The following PTPRD variants were observed in gnomAD, a reference collection of about 807,000 sequenced individuals.
The protein encoded by PTPRD is protein tyrosine phosphatase receptor type D, also known as receptor-type tyrosine-protein phosphatase delta.
A neutral mutation model predicts 214.5 loss-of-function variants in PTPRD; 34 were observed. The observed-to-expected ratio is 0.16, with a 90% CI of 0.12 to 0.21. The LOEUF (loss-of-function observed/expected upper bound fraction) is 0.21. PTPRD is among the 10% of genes least tolerant of loss of function. The probability of loss-of-function intolerance (pLI) is 1.00; values close to 1 mark genes in which losing one functional copy is unlikely to be tolerated. For missense variants in PTPRD, 2,545 were observed against 2,398.7 expected (o/e 1.06, Z -1.27); for synonymous variants, 1,128 against 845.7 (o/e 1.33, Z -5.79).
At chr9:9,876,603 T>C (rs114190242) in intron 5 of PTPRD, among the ~76,000 whole-genome samples, 126 of 152,326 alleles carry the variant, frequency 8.3e-4, no homozygotes, top group African/African-American at 3.0e-3. Context: ...TTAATGCTCA[T>C]TATATGAGAA....
chr9:9,560,384 A>G (rs143294759), intron 8 of PTPRD, among the ~76,000 whole-genome samples: 29 of 152,306 alleles, frequency 1.9e-4, no homozygotes, highest in Admixed American at 4.6e-4. Context: ...CTAGGCATGT[A>G]TTTCCCGCAG....
intron 9 of PTPRD, among the ~76,000 whole-genome samples, chr9:9,239,012 C>T (rs555723606): frequency 6.6e-6 from 1 of 152,234 alleles, no homozygotes; most frequent in South Asian, 2.1e-4. Context: ...CCACAGCCTC[C>T]ACAAGATTGA....
intron 8 of PTPRD, among the ~76,000 whole-genome samples, chr9:9,481,862 T>TA (rs2095427907): frequency 6.6e-6 from 1 of 152,170 alleles, no homozygotes; most frequent in South Asian, 2.1e-4. Flanking sequence ...TCTAAAGAAA[T>TA]ACTTTTGATC....
At chr9:9,888,112 C>A (rs1212194819) in intron 5 of PTPRD, among the ~76,000 whole-genome samples, 2 of 152,104 alleles carry the variant, frequency 1.3e-5, no homozygotes, top group Middle Eastern at 3.2e-3. Flanking sequence ...TCCCTTCAGT[C>A]CTAAGGGAAG....
intron 9 of PTPRD, among the ~76,000 whole-genome samples, chr9:9,257,238 GGAA>G (rs1424063743): frequency 6.6e-6 from 1 of 151,930 alleles, no homozygotes; most frequent in East Asian, 2.0e-4. Context: ...CTGAGCAGAA[GGAA>G]GGAGGAGAGG....
At chr9:9,110,336 T>C (rs1452338763) in intron 10 of PTPRD, among the ~76,000 whole-genome samples, 3 of 152,176 alleles carry the variant, frequency 2.0e-5, no homozygotes, top group Non-Finnish European at 4.4e-5. Context: ...GCATTATAGA[T>C]ATGCAAATTC....
chr9:9,714,102 A>AG (rs1241428936), intron 7 of PTPRD, among the ~76,000 whole-genome samples: 2 of 152,046 alleles, frequency 1.3e-5, no homozygotes, highest in East Asian at 3.9e-4. Flanking sequence ...AAAAAAAAAA[A>AG]AAAAAAAATT....
intron 2 of PTPRD, among the ~76,000 whole-genome samples, chr9:10,427,656 T>C (rs778428045): frequency 2.0e-4 from 31 of 152,214 alleles, no homozygotes; most frequent in Non-Finnish European, 1.8e-4. Context: ...GACATGTAGT[T>C]TCTGTCCCGA....
chr9:9,835,973 C>G (rs1599214563), intron 5 of PTPRD, among the ~76,000 whole-genome samples: 1 of 152,244 alleles, frequency 6.6e-6, no homozygotes, highest in East Asian at 1.9e-4. Context: ...TAGAATTACA[C>G]TATCAGTTTT....
At position 10,468,969 on chromosome 9, in the gene PTPRD, T is replaced by C. The variant is rs1056893543; in HGVS notation, c.-599-127952A>G. Among the ~76,000 whole-genome samples the C allele has an allele frequency of 2.6e-5, 4 of 152,112 alleles. No homozygotes were observed. The East Asian group carries it at 5.8e-4, about 22-fold the overall frequency. ...GGAATGGATGTAGAAGTAAGTGAATTAGAAAAAAAGTTATCCAGAATTGTA... is the reference window on the plus strand; with the variant it reads ...GGAATGGATGTAGAAGTAAGTGAATCAGAAAAAAAGTTATCCAGAATTGTA... On this transcript the variant is annotated intron_variant, in intron 2 of 45. Transcript: ENST00000381196.
chr9:10,033,253 G>A (rs1354767560), intron 4 of PTPRD, among the ~76,000 whole-genome samples: 2 of 151,812 alleles, frequency 1.3e-5, no homozygotes, highest in South Asian at 4.2e-4. Flanking sequence ...ATACTGGTAA[G>A]AGAGAAACAA....
At chr9:9,152,983 A>T (rs1426966800) in intron 10 of PTPRD, among the ~76,000 whole-genome samples, 2 of 152,208 alleles carry the variant, frequency 1.3e-5, no homozygotes, top group Admixed American at 1.3e-4. Context: ...CACTAGTAGC[A>T]AACCCTGGCT....
At chr9:9,053,595 G>A (rs2099690677) in intron 10 of PTPRD, among the ~76,000 whole-genome samples, 1 of 152,142 alleles carries the variant, frequency 6.6e-6, no homozygotes, top group African/African-American at 2.4e-5. Context: ...TGGACACCTT[G>A]ATTTTTGACT....
At chr9:10,119,023 C>CAAAAT (rs1248463658) in intron 3 of PTPRD, among the ~76,000 whole-genome samples, 1 of 151,578 alleles carries the variant, frequency 6.6e-6, no homozygotes, top group Non-Finnish European at 1.5e-5. Flanking sequence ...CAAATCCAAA[C>CAAAAT]AAAATAAAAT....
chr9:10,411,276 T>C (rs530140946), intron 2 of PTPRD, among the ~76,000 whole-genome samples: 2 of 151,842 alleles, frequency 1.3e-5, no homozygotes, highest in South Asian at 4.1e-4. Flanking sequence ...TGAAGGATAC[T>C]ACTACTTGGC....
At chr9:9,621,307 C>T (rs1233894453) in intron 7 of PTPRD, among the ~76,000 whole-genome samples, 4 of 152,112 alleles carry the variant, frequency 2.6e-5, no homozygotes, top group African/African-American at 9.7e-5. Context: ...AAAACATTCC[C>T]ATTTTTCTCT....
intron 11 of PTPRD, among the ~76,000 whole-genome samples, chr9:8,929,632 C>T (rs199561432): frequency 6.7e-6 from 1 of 149,192 alleles, no homozygotes; most frequent in East Asian, 2.0e-4. Context: ...TTCATCAGGG[C>T]TATTGGGCTG....
At chr9:9,455,109 G>T (rs976574280) in intron 8 of PTPRD, among the ~76,000 whole-genome samples, 1 of 151,476 alleles carries the variant, frequency 6.6e-6, no homozygotes, top group Non-Finnish European at 1.5e-5. Context: ...AAAATGTTTT[G>T]TTTTCCTTAA....
chr9:9,526,680 C>T (rs994188167), intron 8 of PTPRD, among the ~76,000 whole-genome samples: 3 of 152,030 alleles, frequency 2.0e-5, no homozygotes, highest in Admixed American at 6.6e-5. Context: ...TTGGAATGTA[C>T]TTTTATCTGA....
Sources: gnomAD v4.1 joint callset for allele counts (sites outside exome capture counted in the v4.1 genomes callset) on GRCh38, gnomAD v4.1.1 for gene constraint, MANE v1.5 for transcripts, NCBI Gene and HGNC (gene_info 2026-07-23, HGNC 2026-07-21) for gene names.